The following THSD7A variants were observed in gnomAD, a reference collection of about 807,000 sequenced individuals.
The protein encoded by THSD7A is thrombospondin type 1 domain containing 7A.
In THSD7A, 96 loss-of-function variants were observed where a neutral mutation model predicts 231.3. That is an observed-to-expected ratio of 0.41 (90% CI 0.35 to 0.49). The LOEUF is 0.49. Among genes scored for constraint, THSD7A ranks in the 20% least tolerant of loss-of-function variants. The probability of loss-of-function intolerance (pLI) is 0.05; values close to 1 mark genes in which losing one functional copy is unlikely to be tolerated. For synonymous variants in THSD7A, 940 were observed against 743.3 expected (o/e 1.26, Z -4.30); for missense variants, 2,290 against 2,070.2 (o/e 1.11, Z -2.06).
intron 4 of THSD7A, among the ~76,000 whole-genome samples, chr7:11,573,487 G>C (rs1294576333): frequency 1.3e-5 from 2 of 152,220 alleles, no homozygotes; most frequent in African/African-American, 4.8e-5. Context: ...CCCAGTAGCA[G>C]ATGGAGGCAA....
intron 1 of THSD7A, among the ~76,000 whole-genome samples, chr7:11,784,557 C>A (rs113073061): frequency 1.3e-5 from 2 of 151,886 alleles, no homozygotes; most frequent in East Asian, 1.9e-4. Flanking sequence ...TATTAATTTA[C>A]CCATTGGATT....
At chr7:11,803,152 A>G (rs1784320497) in intron 1 of THSD7A, among the ~76,000 whole-genome samples, 1 of 152,162 alleles carries the variant, frequency 6.6e-6, no homozygotes, top group Admixed American at 6.5e-5. Flanking sequence ...GGACTTTTTC[A>G]ACAGGCAGCA....
At chr7:11,797,120 T>A (rs1784146473) in intron 1 of THSD7A, among the ~76,000 whole-genome samples, 2 of 152,128 alleles carry the variant, frequency 1.3e-5, no homozygotes, top group Non-Finnish European at 2.9e-5. Context: ...TCAAAACAAT[T>A]CATTGACTAG....
At chr7:11,741,250 G>GT (rs1782103122) in intron 1 of THSD7A, among the ~76,000 whole-genome samples, 1 of 151,838 alleles carries the variant, frequency 6.6e-6, no homozygotes, top group Admixed American at 6.6e-5. Context: ...TTGCTTTGTG[G>GT]TTTTGACTCA....
At chr7:11,821,076 C>G (rs1443040402) in intron 1 of THSD7A, 3 of 985,380 alleles carry the variant, frequency 3.0e-6, no homozygotes, top group Non-Finnish European at 3.2e-6. Flanking sequence ...GAAAGTACTG[C>G]GGGAAATGTC....
chr7:11,826,508 A>G lies in THSD7A; in HGVS notation c.190+5249T>C, dbSNP rs553020215. 2.0e-5 allele frequency among the ~76,000 whole-genome samples: 3 copies of G among 152,332 alleles called. No individual in the cohort carries two copies. In the East Asian group the frequency reaches 5.8e-4, roughly 29 times the overall value. ...GAATATAACTAACAATAATTATTATAGAAACAATCTCATATGCTAGAATAA... is the reference window on the plus strand; with the variant it reads ...GAATATAACTAACAATAATTATTATGGAAACAATCTCATATGCTAGAATAA... On this transcript the variant is annotated intron_variant, in intron 1 of 27. Transcript: ENST00000423059.
chr7:11,529,533 T>C (rs2128318856), intron 6 of THSD7A, among the ~76,000 whole-genome samples: 1 of 152,222 alleles, frequency 6.6e-6, no homozygotes, highest in South Asian at 2.1e-4. Flanking sequence ...TCCCCCATGC[T>C]GCTCTTGTGA....
In THSD7A at chr7:11,375,647, G is replaced by A. The variant is rs1782238595; in HGVS notation, c.*147C>T. The A allele has an allele frequency of 3.2e-6, 2 of 634,432 alleles. No homozygotes were observed. Among genetic ancestry groups the A allele is most frequent in the Non-Finnish European group, 5.5e-6 (2 of 364,852 alleles). 39.3% of individuals were successfully genotyped at this position (634,432 alleles called of 1,614,324 possible). ...ACTGTCTTAAATATCTCCAGTGGCA[G>A]TATGATTTTCACTCTTGTCTTTATG... On this transcript the variant is annotated 3_prime_UTR_variant, in exon 28 of 28. Coordinates refer to ENST00000423059, the MANE Select transcript of THSD7A (RefSeq NM_015204.3).
intron 1 of THSD7A, among the ~76,000 whole-genome samples, chr7:11,652,189 G>A (rs908940602): frequency 3.6e-4 from 54 of 151,506 alleles, no homozygotes; most frequent in African/African-American, 1.2e-3. Context: ...AGTAAACCAG[G>A]GCCAAAGTAA....
intron 1 of THSD7A, among the ~76,000 whole-genome samples, chr7:11,797,644 T>C (rs1458408286): frequency 6.6e-6 from 1 of 151,712 alleles, no homozygotes; most frequent in Non-Finnish European, 1.5e-5. Context: ...GTCTCAAACT[T>C]CTGGCCTTAA....
intron 1 of THSD7A, among the ~76,000 whole-genome samples, chr7:11,641,764 AAATAT>A (rs1283226934): frequency 1.1e-4 from 13 of 120,894 alleles, no homozygotes; most frequent in Admixed American, 1.5e-4. Context: ...AAATAAAATA[AAATAT>A]AATATAATAA....
chr7:11,759,889 G>A (rs2128167709), intron 1 of THSD7A, among the ~76,000 whole-genome samples: 1 of 152,172 alleles, frequency 6.6e-6, no homozygotes, highest in African/African-American at 2.4e-5. Flanking sequence ...GTTGCATAGA[G>A]AAGTTAGTGA....
In THSD7A at chr7:11,564,775, A is replaced by T. The variant is rs117447244; in HGVS notation, c.1454-21658T>A. On this transcript the variant is annotated intron_variant, in intron 4 of 27. Coordinates refer to ENST00000423059, the MANE Select transcript of THSD7A (RefSeq NM_015204.3). ...TTCCTAGAAAATCACTCCTCATGTCATGACTCAAATAAAATACAACTGTGC... is the reference window on the plus strand; with the variant it reads ...TTCCTAGAAAATCACTCCTCATGTCTTGACTCAAATAAAATACAACTGTGC... Among the ~76,000 whole-genome samples the T allele has an allele frequency of 4.4e-3, 666 of 152,302 alleles. 2 individuals carry two copies. The highest frequency in any genetic ancestry group is 5.9e-3 in the Non-Finnish European group (401 of 68,014).
intron 7 of THSD7A, among the ~76,000 whole-genome samples, chr7:11,475,391 G>T (rs190252569): frequency 1.4e-3 from 213 of 151,936 alleles, no homozygotes; most frequent in African/African-American, 4.9e-3. Flanking sequence ...CCCACCTCCC[G>T]GTTTTTCTTT....
At chr7:11,448,740 C>T (rs1785053096) in intron 11 of THSD7A, among the ~76,000 whole-genome samples, 2 of 152,120 alleles carry the variant, frequency 1.3e-5, no homozygotes, top group Non-Finnish European at 2.9e-5. Flanking sequence ...TTGAACACAA[C>T]TTAATGCAAC....
At chr7:11,709,598 T>C (rs1332823588) in intron 1 of THSD7A, among the ~76,000 whole-genome samples, 2 of 150,912 alleles carry the variant, frequency 1.3e-5, no homozygotes, top group African/African-American at 4.8e-5. Context: ...CCTGATACAC[T>C]ATTTTAAAAA....
At chr7:11,498,067 C>T (rs1286147116) in intron 6 of THSD7A, among the ~76,000 whole-genome samples, 1 of 152,168 alleles carries the variant, frequency 6.6e-6, no homozygotes, top group African/African-American at 2.4e-5. Flanking sequence ...GCCTTAGATA[C>T]TTGGGCCTTC....
intron 1 of THSD7A, among the ~76,000 whole-genome samples, chr7:11,817,152 A>G (rs1386278163): frequency 2.0e-5 from 3 of 152,222 alleles, no homozygotes; most frequent in Non-Finnish European, 4.4e-5. Flanking sequence ...GGATATTCAT[A>G]TATCACACAC....
rs367625049 is a variant in THSD7A, at chr7:11,636,081, T to C, written c.1022+49A>G. On this transcript the variant is annotated intron_variant, in intron 2 of 27. Coordinates refer to ENST00000423059, the MANE Select transcript of THSD7A (RefSeq NM_015204.3). The surrounding 1 kb of genome is among the most constrained non-coding windows in gnomAD (Gnocchi z 10.0). ...TAGTACCGGATATCTTAGGTACTCA[T>C]GATTCTTGACAGACAAGCCTGTGTA... The C allele has an allele frequency of 3.3e-6, 5 of 1,517,178 alleles. No homozygotes were observed. In the African/African-American group the frequency reaches 4.2e-5, roughly 13 times the overall value. The allele number at this position is 1,517,178 out of a possible 1,614,324, so 94.0% of individuals were successfully genotyped here.
Sources: gnomAD v4.1 joint callset for allele counts (sites outside exome capture counted in the v4.1 genomes callset) on GRCh38, gnomAD v4.1.1 for gene constraint, Gnocchi (gnomAD v3.1) non-coding constraint, MANE v1.5 for transcripts, NCBI Gene and HGNC (gene_info 2026-07-23, HGNC 2026-07-21) for gene names.